Variants in MINDY4B observed in about 807,000 individuals in gnomAD.
The protein encoded by MINDY4B is MINDY family member 4B.
MINDY4B carries 25 observed loss-of-function variants against 16.7 expected under a neutral mutation model. That is an observed-to-expected ratio of 1.49 (90% CI 1.09 to 2.09). MINDY4B has a LOEUF of 2.09. Ranked by LOEUF, MINDY4B falls within the 30% of genes most tolerant of loss-of-function variation. The pLI, the probability that MINDY4B is intolerant of heterozygous loss-of-function variation, is 0.00. For missense variants in MINDY4B, 327 were observed against 168.4 expected (o/e 1.94, Z -5.21); for synonymous variants, 132 against 61.9 (o/e 2.13, Z -5.32).
chr3:150,890,883 C>T (rs1711782861), intron 6 of MINDY4B, 55 bp downstream of exon 6: 2 of 692,288 alleles, frequency 2.9e-6, no homozygotes, highest in Admixed American at 2.0e-5. Context: ...AAGTCTATTA[C>T]ATGCTCAGGC....
intron 3 of MINDY4B, among the ~76,000 whole-genome samples, chr3:150,898,628 T>A (rs1012677743): frequency 2.6e-5 from 4 of 152,258 alleles, no homozygotes; most frequent in African/African-American, 9.6e-5. Context: ...ATGGTCCTCA[T>A]AAGTGGCTGC....
chr3:150,884,360 A>G (rs1045046413), intron 8 of MINDY4B, among the ~76,000 whole-genome samples: 6 of 152,172 alleles, frequency 3.9e-5, no homozygotes, highest in Non-Finnish European at 8.8e-5. Context: ...AAATCTATTC[A>G]TGGAACTGGA....
intron 10 of MINDY4B, among the ~76,000 whole-genome samples, chr3:150,880,549 G>C (rs1159230692): frequency 6.6e-6 from 1 of 152,250 alleles, no homozygotes; most frequent in Non-Finnish European, 1.5e-5. Context: ...TTTTAAGTGA[G>C]TTGTTTGAAA....
At chr3:150,880,237 C>T (rs1263283067) in intron 10 of MINDY4B, among the ~76,000 whole-genome samples, 4 of 152,148 alleles carry the variant, frequency 2.6e-5, no homozygotes, top group Admixed American at 6.5e-5. Flanking sequence ...CCAAGCCTGC[C>T]GATTTCCAGG....
chr3:150,876,138 C>A (rs1453235693), intron 10 of MINDY4B, among the ~76,000 whole-genome samples: 1 of 152,158 alleles, frequency 6.6e-6, no homozygotes, highest in Non-Finnish European at 1.5e-5. Context: ...AAATAAAATA[C>A]CTTTCTCCTT....
chr3:150,882,969 T>C lies in MINDY4B; in HGVS notation c.987A>G (p.Gly329=). ...EEGKSQETLH[G]VLTRSDVGYL... The stretch of plus-strand genomic sequence containing the variant: ...AGCCAACATCACTGCGGGTCAGGAC[T>C]CCATGTAGTGTTTCCTGAGACTTTC... Residue 329 remains glycine, a synonymous_variant, in exon 10 of 12, where the codon GGA becomes GGG. Transcript: ENST00000465419. 1 of 702,880 alleles carries C rather than the reference T, an allele frequency of 1.4e-6. No homozygotes were observed. Among genetic ancestry groups the C allele is most frequent in the South Asian group, 1.5e-5 (1 of 67,588 alleles). The allele number at this position is 702,880 out of a possible 1,614,324, so 43.5% of individuals were successfully genotyped here. A position where few individuals can be genotyped will look rare whatever the true frequency, so the allele number is the denominator to read the frequency against.
chr3:150,890,453 C>A, intron 6 of MINDY4B, 68 bp from the exon 7 acceptor site: 1 of 552,774 alleles, frequency 1.8e-6, no homozygotes, highest in Non-Finnish European at 3.2e-6. Flanking sequence ...GATGTCAACT[C>A]ACTGTTATTA....
intron 3 of MINDY4B, among the ~76,000 whole-genome samples, chr3:150,895,647 T>G (rs1167048740): frequency 6.6e-6 from 1 of 152,124 alleles, no homozygotes; most frequent in Non-Finnish European, 1.5e-5. Context: ...GTGTTTTTAG[T>G]AGAGACAGGG....
chr3:150,871,236 C>A, intron 11 of MINDY4B, 49 bp from the exon 12 acceptor site: 2 of 686,722 alleles, frequency 2.9e-6, no homozygotes, highest in Non-Finnish European at 2.6e-6. Flanking sequence ...GAACACCATT[C>A]CAGAGGAAAC....
chr3:150,903,643 G>A (rs1712168623), intron 2 of MINDY4B, among the ~76,000 whole-genome samples: 1 of 152,162 alleles, frequency 6.6e-6, no homozygotes, highest in African/African-American at 2.4e-5. Flanking sequence ...GAGGTTAAAT[G>A]TAACTATGGA....
chr3:150,902,572 A>C (rs1329263986), intron 3 of MINDY4B, among the ~76,000 whole-genome samples: 1 of 152,136 alleles, frequency 6.6e-6, no homozygotes, highest in Non-Finnish European at 1.5e-5. Flanking sequence ...GACATTTGCC[A>C]AGGCACTACC....
At chr3:150,900,161 T>C (rs183570780) in intron 3 of MINDY4B, among the ~76,000 whole-genome samples, 1 of 152,174 alleles carries the variant, frequency 6.6e-6, no homozygotes, top group Admixed American at 6.5e-5. Flanking sequence ...CCAGAGTTTG[T>C]TCCAACACAT....
intron 4 of MINDY4B, among the ~76,000 whole-genome samples, chr3:150,893,633 T>A (rs1033546851): frequency 6.8e-6 from 1 of 147,218 alleles, no homozygotes; most frequent in Admixed American, 7.0e-5. Context: ...GACTGGTGAC[T>A]GGGGATGTAT....
chr3:150,877,344 A>G (rs1222849048), intron 10 of MINDY4B, among the ~76,000 whole-genome samples: 1 of 152,158 alleles, frequency 6.6e-6, no homozygotes, highest in East Asian at 1.9e-4. Flanking sequence ...TCCACAAAGC[A>G]CTTGTATACC....
At chr3:150,884,690 G>A (rs1711579443) in intron 8 of MINDY4B, among the ~76,000 whole-genome samples, 2 of 152,156 alleles carry the variant, frequency 1.3e-5, no homozygotes, top group African/African-American at 2.4e-5. Context: ...CACTGCCGCA[G>A]GGTTGTAATC....
chr3:150,872,114 T>TGTCCGCCGTGGGTGAGCTG, intron 11 of MINDY4B, among the ~76,000 whole-genome samples: 1 of 152,334 alleles, frequency 6.6e-6, no homozygotes, highest in South Asian at 2.1e-4. Context: ...ATTGGGAATG[T>TGTCCGCCGTGGGTGAGCTG]TACGGGTTAA....
chr3:150,874,019 T>TTC (rs1032347661), intron 10 of MINDY4B, among the ~76,000 whole-genome samples: 1 of 147,226 alleles, frequency 6.8e-6, no homozygotes, highest in African/African-American at 2.5e-5. Context: ...TTTTTTTTTT[T>TTC]TTTTTTTTTT....
At chr3:150,878,079 TG>T (rs979898327) in intron 10 of MINDY4B, among the ~76,000 whole-genome samples, 40 of 152,204 alleles carry the variant, frequency 2.6e-4, no homozygotes, top group African/African-American at 9.1e-4. Context: ...CAATAGACCT[TG>T]GGCTTAAAGT....
At chr3:150,898,849 T>C (rs1712043858) in intron 3 of MINDY4B, among the ~76,000 whole-genome samples, 1 of 152,186 alleles carries the variant, frequency 6.6e-6, no homozygotes, top group African/African-American at 2.4e-5. Context: ...CCAACAGGGT[T>C]AATGTTCTTA....
Sources: allele counts gnomAD v4.1 joint callset (sites outside exome capture counted in the v4.1 genomes callset), GRCh38; gene constraint gnomAD v4.1.1; transcripts MANE v1.5; gene names NCBI Gene and HGNC (gene_info 2026-07-23, HGNC 2026-07-21).